Variants in SPAG16 observed in about 807,000 individuals in gnomAD.
SPAG16 encodes sperm associated antigen 16, also known as sperm-associated antigen 16 protein.
A neutral mutation model predicts 80.4 loss-of-function variants in SPAG16; 86 were observed. The ratio of observed to expected loss-of-function variants is 1.07; its 90% CI spans 0.90 to 1.28. The LOEUF is 1.28. SPAG16 is among the 50% of genes most tolerant of loss of function. The pLI is 0.00. For missense variants in SPAG16, 870 were observed against 765.3 expected, an observed-to-expected ratio of 1.14 and a Z score of -1.61; for synonymous variants, 294 against 265.9, an observed-to-expected ratio of 1.11 and a Z score of -1.03.
chr2:214,385,184 G>A (rs1325482436), intron 15 of SPAG16, among the ~76,000 whole-genome samples: 2 of 152,164 alleles, frequency 1.3e-5, no homozygotes, highest in African/African-American at 2.4e-5. Context: ...ACCTGGGTAC[G>A]GGTTCTGAAT....
intron 12 of SPAG16, among the ~76,000 whole-genome samples, chr2:213,969,453 G>A (rs544803990): frequency 3.3e-5 from 5 of 152,150 alleles, no homozygotes; most frequent in Non-Finnish European, 7.4e-5. Flanking sequence ...AAGAAGTGAG[G>A]TATTTGGGAG....
At chr2:213,730,355 T>G (rs188613345) in intron 10 of SPAG16, among the ~76,000 whole-genome samples, 81 of 152,282 alleles carry the variant, frequency 5.3e-4, no homozygotes, top group Middle Eastern at 3.4e-3. Context: ...TATAGGGAAA[T>G]CAGTAGCATA....
At chr2:213,804,638 G>T (rs369131865) in intron 10 of SPAG16, among the ~76,000 whole-genome samples, 3 of 152,174 alleles carry the variant, frequency 2.0e-5, no homozygotes, top group Non-Finnish European at 4.4e-5. Flanking sequence ...AGCCGAGATC[G>T]CGCCACTGCA....
intron 10 of SPAG16, among the ~76,000 whole-genome samples, chr2:213,694,749 CCTTT>C (rs928138499): frequency 6.7e-6 from 1 of 149,754 alleles, no homozygotes; most frequent in African/African-American, 2.4e-5. Flanking sequence ...TTCTTGCCTT[CCTTT>C]CTTTATCCTT....
chr2:213,352,696 T>C (rs1575323488), intron 7 of SPAG16, among the ~76,000 whole-genome samples: 3 of 152,226 alleles, frequency 2.0e-5, no homozygotes, highest in East Asian at 1.9e-4. Context: ...ATGATTGATA[T>C]GTGTACAAGA....
Position 214,390,847 on chromosome 2 carries a change from C to T in SPAG16, c.1721-19293C>T, listed in dbSNP as rs544261441. Among the ~76,000 whole-genome samples, 37 of 152,186 alleles carry T rather than the reference C, an allele frequency of 2.4e-4. 2 individuals carry two copies. The highest frequency in any genetic ancestry group is 6.8e-3 in the Middle Eastern group (2 of 294). On this transcript the variant is annotated intron_variant, in intron 15 of 15. Transcript: ENST00000331683. ...AGCTGCCAGTCTATAGAAGGCTTGG[C>T]AAAAGAGACAAGGCCATGTACAAAA...
At chr2:213,965,129 G>T (rs2044644226) in intron 12 of SPAG16, among the ~76,000 whole-genome samples, 1 of 152,166 alleles carries the variant, frequency 6.6e-6, no homozygotes, top group Non-Finnish European at 1.5e-5. Context: ...TTCCAATGCA[G>T]TCTGTTTTCT....
chr2:213,770,146 G>T (rs1222357060), intron 10 of SPAG16, among the ~76,000 whole-genome samples: 1 of 152,070 alleles, frequency 6.6e-6, no homozygotes, highest in African/African-American at 2.4e-5. Flanking sequence ...TTATATATGT[G>T]TATTAATAGG....
chr2:213,284,695 T>A, intron 1 of SPAG16, 76 bp downstream of exon 1: 6 of 1,503,914 alleles, frequency 4.0e-6, no homozygotes, highest in African/African-American at 1.4e-5. Flanking sequence ...GGCCTCCCAC[T>A]GGCGGCGCCT....
chr2:213,711,520 T>C (rs893514430), intron 10 of SPAG16, among the ~76,000 whole-genome samples: 1 of 151,212 alleles, frequency 6.6e-6, no homozygotes, highest in Non-Finnish European at 1.5e-5. Context: ...TTTACAATTT[T>C]CTTTCCTTTT....
intron 13 of SPAG16, among the ~76,000 whole-genome samples, chr2:214,092,255 GT>G (rs1455123674): frequency 2.0e-5 from 3 of 152,034 alleles, no homozygotes; most frequent in Non-Finnish European, 4.4e-5. Flanking sequence ...CATTTTAAAT[GT>G]TAATAGATGT....
At chr2:213,957,718 G>C (rs1332794879) in intron 12 of SPAG16, among the ~76,000 whole-genome samples, 1 of 151,962 alleles carries the variant, frequency 6.6e-6, no homozygotes, top group Non-Finnish European at 1.5e-5. Flanking sequence ...TTTTTTAGTA[G>C]TGAAATGTTT....
intron 10 of SPAG16, among the ~76,000 whole-genome samples, chr2:213,701,114 C>A (rs1388121312): frequency 2.0e-5 from 3 of 152,162 alleles, no homozygotes; most frequent in Non-Finnish European, 4.4e-5. Flanking sequence ...GTGGCACCTG[C>A]CTGTACTCCC....
At chr2:214,034,177 C>G (rs1044420477) in intron 13 of SPAG16, among the ~76,000 whole-genome samples, 3 of 152,208 alleles carry the variant, frequency 2.0e-5, no homozygotes, top group Non-Finnish European at 4.4e-5. Context: ...AAGTGATGCT[C>G]TTTTCACAGA....
At chr2:214,104,268 C>T (rs962602918) in intron 13 of SPAG16, among the ~76,000 whole-genome samples, 12 of 152,212 alleles carry the variant, frequency 7.9e-5, no homozygotes, top group South Asian at 4.1e-4. Context: ...AGACAAGAGC[C>T]GAACAATACA....
At chr2:213,777,810 T>C (rs1449414139) in intron 10 of SPAG16, among the ~76,000 whole-genome samples, 2 of 152,294 alleles carry the variant, frequency 1.3e-5, no homozygotes, top group East Asian at 3.9e-4. Flanking sequence ...GTGCTGGGAT[T>C]ACAGACTTGA....
intron 15 of SPAG16, among the ~76,000 whole-genome samples, chr2:214,267,978 A>G (rs138574756): frequency 6.6e-6 from 1 of 152,078 alleles, no homozygotes; most frequent in East Asian, 1.9e-4. Context: ...CTTAATAAGT[A>G]GAAAAACAAA....
intron 10 of SPAG16, among the ~76,000 whole-genome samples, chr2:213,845,242 G>C (rs1246533310): frequency 6.7e-6 from 1 of 149,188 alleles, no homozygotes. Context: ...CTGTTGCCCA[G>C]GCTGGAGTGC....
intron 11 of SPAG16, among the ~76,000 whole-genome samples, chr2:213,925,642 A>G (rs566252761): frequency 6.6e-6 from 1 of 152,318 alleles, no homozygotes; most frequent in Non-Finnish European, 1.5e-5. Context: ...ATGGGCCTCT[A>G]TGCCCAGCCT....
Sources: allele counts gnomAD v4.1 joint callset (sites outside exome capture counted in the v4.1 genomes callset), GRCh38; gene constraint gnomAD v4.1.1; transcripts MANE v1.5; gene names NCBI Gene and HGNC (gene_info 2026-07-23, HGNC 2026-07-21).